GTF2B: variants seen among roughly 807,000 people sequenced by gnomAD.
GTF2B encodes the protein general transcription factor IIB, also known as transcription initiation factor IIB.
A neutral mutation model predicts 34.6 loss-of-function variants in GTF2B; 20 were observed. The ratio of observed to expected loss-of-function variants is 0.58; its 90% CI spans 0.41 to 0.84. The LOEUF is 0.84. Among genes scored for constraint, GTF2B ranks in the 40% least tolerant of loss-of-function variants. GTF2B has a pLI of 0.00. For missense variants in GTF2B, 237 were observed against 393.3 expected (o/e 0.60, Z 3.36); for synonymous variants, 142 against 132.4 (o/e 1.07, Z -0.50).
chr1:88,875,858 T>C (rs1044712429), intron 2 of GTF2B, among the ~76,000 whole-genome samples: 4 of 152,160 alleles, frequency 2.6e-5, no homozygotes, highest in African/African-American at 4.8e-5. Flanking sequence ...CTGAGACATA[T>C]GGTAAAAAAA....
rs566980320 is a variant in GTF2B at position 88,884,035 on chromosome 1, T to G, written c.124+3226A>C. On this transcript the variant is annotated intron_variant, in intron 2 of 6. Coordinates refer to ENST00000370500, the MANE Select transcript of GTF2B (RefSeq NM_001514.6). Reference sequence around the variant, plus strand: ...AGCTCAGCACTGACTTTTTTTTTTTTTTTTTTTTTTGAGACAGAGTCTCAC... The same window carrying G: ...AGCTCAGCACTGACTTTTTTTTTTTGTTTTTTTTTTGAGACAGAGTCTCAC... Among the ~76,000 whole-genome samples, 11 of 149,502 alleles carry G rather than the reference T, an allele frequency of 7.4e-5. No homozygotes were observed. The East Asian group carries it at 1.2e-3, about 16-fold the overall frequency.
chr1:88,872,505 G>T (rs1673720539), intron 2 of GTF2B, among the ~76,000 whole-genome samples: 1 of 144,550 alleles, frequency 6.9e-6, no homozygotes, highest in Non-Finnish European at 1.5e-5. Flanking sequence ...TTTACTGGTT[G>T]GTTGCAAGTC....
chr1:88,882,314 A>T (rs78521357), intron 2 of GTF2B, among the ~76,000 whole-genome samples: 1 of 131,958 alleles, frequency 7.6e-6, no homozygotes, highest in African/African-American at 3.8e-5. Flanking sequence ...TCACTCCAAA[A>T]AAAAAAAAAA....
At chr1:88,883,660 T>G (rs149960217) in intron 2 of GTF2B, among the ~76,000 whole-genome samples, 61 of 151,524 alleles carry the variant, frequency 4.0e-4, no homozygotes, top group African/African-American at 1.4e-3. Context: ...AGACTCTGTC[T>G]CAAAAAAAAA....
At chr1:88,866,036 C>T (rs1352634855) in intron 2 of GTF2B, among the ~76,000 whole-genome samples, 1 of 151,700 alleles carries the variant, frequency 6.6e-6, no homozygotes, top group Non-Finnish European at 1.5e-5. Context: ...CATAAACAAC[C>T]AGAGTATAGT....
intron 2 of GTF2B, among the ~76,000 whole-genome samples, chr1:88,875,007 A>C: frequency 6.6e-6 from 1 of 152,072 alleles, no homozygotes; most frequent in East Asian, 1.9e-4. Context: ...TTGATGATGA[A>C]ATGTATCATT....
chr1:88,868,650 C>G (rs528208968), intron 2 of GTF2B, among the ~76,000 whole-genome samples: 186 of 152,222 alleles, frequency 1.2e-3, no homozygotes, highest in Non-Finnish European at 1.9e-3. Context: ...TCACTTGCAC[C>G]AGTTTCAAGT....
intron 2 of GTF2B, among the ~76,000 whole-genome samples, chr1:88,873,420 C>CA (rs1249013833): frequency 6.6e-6 from 1 of 151,992 alleles, no homozygotes; most frequent in African/African-American, 2.4e-5. Flanking sequence ...AGGCTGGTCT[C>CA]AAACTCCTGA....
In GTF2B at chr1:88,853,321, A is replaced by G; in HGVS notation, c.843T>C (p.Ala281=). Residue 281 remains alanine (A), a synonymous_variant, in exon 7 of 7, where the codon GCT becomes GCC. Transcript: ENST00000370500. ...TATAGGACTGTCTGATTGTAACATC[A>G]GCAACACCAGCAATATCTCCAATTT... ...QKEIGDIAGV[A]DVTIRQSYRL... 6.2e-7 allele frequency: 1 copy of G among 1,612,244 alleles called. No individual in the cohort carries two copies. The highest frequency in any genetic ancestry group is 8.5e-7 in the Non-Finnish European group (1 of 1,178,332).
intron 1 of GTF2B, among the ~76,000 whole-genome samples, chr1:88,891,156 T>TGGGGGGGGGGGGGGGTG (rs1674193652): frequency 5.3e-5 from 1 of 18,708 alleles, no homozygotes; most frequent in Admixed American, 6.0e-4. Flanking sequence ...GGAGGGAGGG[T>TGGGGGGGGGGGGGGGTG]GGGAAGAAGA....
At chr1:88,865,984 GCTAA>G (rs547282900) in intron 2 of GTF2B, among the ~76,000 whole-genome samples, 111 of 152,226 alleles carry the variant, frequency 7.3e-4, no homozygotes, top group African/African-American at 2.6e-3. Flanking sequence ...CCTAGACTAT[GCTAA>G]CTTTTTAATT....
In GTF2B at chr1:88,857,469, C is replaced by T. The variant is rs370883543; in HGVS notation, c.554G>A (p.Arg185Gln). Residue 185 changes from arginine (R) to glutamine (Q), a missense_variant, in exon 6 of 7, where the codon CGA (arginine) becomes CAA (glutamine). By Grantham distance (43) the Arg-to-Gln change is conservative. Coordinates refer to ENST00000370500, the MANE Select transcript of GTF2B (RefSeq NM_001514.6). ...CCGACCAATTTCTTTCTTAGAAATT[C>T]GTGATACGGCACATATTTCTAAAAG... ...RTFKEICAVS[R>Q]ISKKEIGRCF... The T allele has an allele frequency of 5.7e-6, 9 of 1,578,608 alleles. No individual in the cohort carries two copies. The highest frequency in any genetic ancestry group is 1.7e-5 in the Admixed American group (1 of 59,696).
intron 2 of GTF2B, among the ~76,000 whole-genome samples, chr1:88,882,076 G>C (rs1321287141): frequency 6.6e-6 from 1 of 151,986 alleles, no homozygotes; most frequent in Non-Finnish European, 1.5e-5. Flanking sequence ...CTGGGAGGTC[G>C]AGGCAGGTGG....
At position 88,860,260 on chromosome 1, in the gene GTF2B, T is replaced by A. The variant is rs1366936744; in HGVS notation, c.285A>T (p.Glu95Asp). 6.2e-7 allele frequency: 1 copy of A among 1,613,970 alleles called. No homozygotes were observed. The highest frequency in any genetic ancestry group is 1.3e-5 in the African/African-American group (1 of 74,938). Reference protein sequence around the residue: ...GKGTGAASFDEFGNSKYQNRR... With the variant: ...GKGTGAASFDDFGNSKYQNRR... ...GATTCTGGTACTTAGAATTGCCAAATTCGTCAAAACTTGCAGCTCCTGTGC... is the reference window on the plus strand; with the variant it reads ...GATTCTGGTACTTAGAATTGCCAAAATCGTCAAAACTTGCAGCTCCTGTGC... The change falls in exon 4 of 7, where the codon GAA becomes GAT. Residue 95 changes from glutamate (E) to aspartate (D), a missense_variant. Glu to Asp is a conservative substitution (Grantham distance 45). Coordinates refer to ENST00000370500, the MANE Select transcript of GTF2B (RefSeq NM_001514.6).
chr1:88,853,624 GA>G (rs1673238533), intron 6 of GTF2B, among the ~76,000 whole-genome samples: 1 of 152,082 alleles, frequency 6.6e-6, no homozygotes, highest in African/African-American at 2.4e-5. Flanking sequence ...CCAACATGGT[GA>G]AACCCCATCT....
At chr1:88,877,118 A>C (rs561928188) in intron 2 of GTF2B, among the ~76,000 whole-genome samples, 2 of 152,336 alleles carry the variant, frequency 1.3e-5, no homozygotes, top group South Asian at 4.1e-4. Context: ...AATTTCTGGG[A>C]ATGGAGCCTA....
intron 2 of GTF2B, among the ~76,000 whole-genome samples, chr1:88,872,043 T>C (rs1456263057): frequency 6.6e-6 from 1 of 152,162 alleles, no homozygotes; most frequent in Non-Finnish European, 1.5e-5. Flanking sequence ...CAGAAGATTG[T>C]TCTATGGCTT....
At chr1:88,886,450 TTAAG>T (rs1240578212) in intron 2 of GTF2B, among the ~76,000 whole-genome samples, 1 of 152,224 alleles carries the variant, frequency 6.6e-6, no homozygotes, top group African/African-American at 2.4e-5. Flanking sequence ...AGGTGAAACT[TTAAG>T]TGTTATTTTT....
At chr1:88,875,888 C>T (rs72959429) in intron 2 of GTF2B, among the ~76,000 whole-genome samples, 1,710 of 152,230 alleles carry the variant, frequency 0.011, 29 homozygotes, top group African/African-American at 0.039. Flanking sequence ...GTCCCATAGA[C>T]CTGGATTTAT....
Sources: gnomAD v4.1 joint callset for allele counts (sites outside exome capture counted in the v4.1 genomes callset) on GRCh38, gnomAD v4.1.1 for gene constraint, MANE v1.5 for transcripts, NCBI Gene and HGNC (gene_info 2026-07-23, HGNC 2026-07-21) for gene names.